Variants in COL5A2 observed in about 807,000 individuals in gnomAD.
COL5A2 encodes collagen alpha-2(V) chain.
A neutral mutation model predicts 208.2 loss-of-function variants in COL5A2; 23 were observed. That is an observed-to-expected ratio of 0.11 (90% confidence interval 0.08 to 0.16). COL5A2 has a LOEUF of 0.16. Ranked by LOEUF, COL5A2 falls within the 10% of genes least tolerant of loss-of-function variation. The pLI is 1.00. For synonymous variants in COL5A2, 625 were observed against 628.5 expected (o/e 0.99, Z 0.08); for missense variants, 1,590 against 1,956.4 (o/e 0.81, Z 3.53).
At chr2:189,301,631 A>G in the COL5A2 span, among the ~76,000 whole-genome samples, 1 of 152,172 alleles carries the variant, frequency 6.6e-6, no homozygotes, top group East Asian at 1.9e-4. Flanking sequence ...ACAGCTCCAC[A>G]ATCTGGTTTT....
At chr2:189,250,285 C>T in the COL5A2 span, among the ~76,000 whole-genome samples, 5 of 152,110 alleles carry the variant, frequency 3.3e-5, no homozygotes, top group Non-Finnish European at 5.9e-5. Flanking sequence ...TACTATAACA[C>T]CCCATTTTAC....
At chr2:189,099,074 A>C (rs759149010) in intron 4 of COL5A2, among the ~76,000 whole-genome samples, 2 of 152,208 alleles carry the variant, frequency 1.3e-5, no homozygotes, top group Non-Finnish European at 2.9e-5. Flanking sequence ...GTTCTTAAGG[A>C]TCTTAAGTGG....
chr2:189,103,221 C>T lies in COL5A2; in HGVS notation c.336+1043G>A, dbSNP rs142375416. On this transcript the variant is annotated intron_variant, in intron 3 of 53. Coordinates refer to ENST00000374866, the MANE Select transcript of COL5A2 (RefSeq NM_000393.5). ...AAGTTTCAATTTATTTTCGTTTTCA[C>T]AATAAATTAAATGTGAAATAGCATT... Among the ~76,000 whole-genome samples, 25 of 152,104 alleles carry T rather than the reference C, an allele frequency of 1.6e-4. No homozygotes were observed. The East Asian group carries it at 4.8e-3, about 29-fold the overall frequency.
the COL5A2 span, among the ~76,000 whole-genome samples, chr2:189,373,694 A>G: frequency 6.6e-6 from 1 of 152,234 alleles, no homozygotes; most frequent in African/African-American, 2.4e-5. Context: ...TATGGCAAGG[A>G]CATATACTTT....
At chr2:189,360,850 A>G in the COL5A2 span, among the ~76,000 whole-genome samples, 2 of 151,724 alleles carry the variant, frequency 1.3e-5, no homozygotes, top group South Asian at 2.1e-4. Context: ...GCTAATACTT[A>G]TAAGTGAGAA....
the COL5A2 span, among the ~76,000 whole-genome samples, chr2:189,387,172 G>A: frequency 2.6e-5 from 4 of 152,114 alleles, no homozygotes; most frequent in Non-Finnish European, 4.4e-5. Context: ...CAGCAACATT[G>A]ATGCTGCTAC....
At chr2:189,078,716 T>C in intron 15 of COL5A2, 147 bp from the exon 16 acceptor site, 2 of 789,996 alleles carry the variant, frequency 2.5e-6, no homozygotes, top group South Asian at 1.4e-5. Flanking sequence ...TTTGAAAAAC[T>C]ATCCCCATGT....
the COL5A2 span, among the ~76,000 whole-genome samples, chr2:189,383,157 A>G: frequency 6.6e-6 from 1 of 152,190 alleles, no homozygotes; most frequent in African/African-American, 2.4e-5. Flanking sequence ...ACATAACGAA[A>G]TACCACAGAA....
chr2:189,197,816 T>C (rs1481821073), intron 1 of COL5A2, among the ~76,000 whole-genome samples: 1 of 151,398 alleles, frequency 6.6e-6, no homozygotes, highest in Non-Finnish European at 1.5e-5. Context: ...CAAATTAATA[T>C]TTTCCTCTTA....
chr2:189,082,599 A>G (rs1055650631), intron 12 of COL5A2, among the ~76,000 whole-genome samples: 2 of 152,212 alleles, frequency 1.3e-5, no homozygotes, highest in Non-Finnish European at 2.9e-5. Context: ...TGCAAGAGAA[A>G]TTCTCATGTG....
At chr2:189,069,014 G>C in intron 18 of COL5A2, 130 bp from the exon 19 acceptor site, 1 of 721,182 alleles carries the variant, frequency 1.4e-6, no homozygotes, top group Non-Finnish European at 2.5e-6. Flanking sequence ...GATTACAAGA[G>C]ATGCGTGCCC....
intron 45 of COL5A2, 28 bp downstream of exon 45, chr2:189,048,181 A>G (rs768815425): frequency 1.9e-6 from 3 of 1,608,070 alleles, no homozygotes; most frequent in Non-Finnish European, 2.6e-6. Flanking sequence ...ATGACTTTAG[A>G]TTTTATAATA....
chr2:189,268,983 A>C, the COL5A2 span, among the ~76,000 whole-genome samples: 1 of 152,096 alleles, frequency 6.6e-6, no homozygotes, highest in Non-Finnish European at 1.5e-5. Flanking sequence ...CTCTGAAACC[A>C]AAACTGAGCC....
chr2:189,414,632 C>T, the COL5A2 span, among the ~76,000 whole-genome samples: 4 of 151,784 alleles, frequency 2.6e-5, no homozygotes, highest in African/African-American at 9.7e-5. Context: ...CGCCTATAAT[C>T]CCAACTACTC....
chr2:189,060,716 A>G lies in COL5A2; in HGVS notation c.2085+14T>C. On this transcript the variant is annotated intron_variant, in intron 31 of 53. Transcript: ENST00000374866. ...AATGTATAGTGTTGCCATTATTATT[A>G]TTTAAACACTTACTTGATCACCTGG... 6.2e-7 allele frequency: 1 copy of G among 1,607,950 alleles called. No individual in the cohort carries two copies. Among genetic ancestry groups the G allele is most frequent in the Non-Finnish European group, 8.5e-7 (1 of 1,174,478 alleles).
intron 1 of COL5A2, among the ~76,000 whole-genome samples, chr2:189,126,862 C>T (rs940773866): frequency 3.9e-5 from 6 of 152,058 alleles, no homozygotes; most frequent in Non-Finnish European, 2.9e-5. Flanking sequence ...AGTTTTCCAC[C>T]CAACAAATAC....
At chr2:189,337,472 G>A in the COL5A2 span, among the ~76,000 whole-genome samples, 10 of 152,126 alleles carry the variant, frequency 6.6e-5, no homozygotes, top group South Asian at 4.1e-4. Flanking sequence ...GTGAGCCACC[G>A]CGCCCGGCCG....
intron 51 of COL5A2, among the ~76,000 whole-genome samples, chr2:189,037,924 T>C (rs1685476019): frequency 6.6e-6 from 1 of 152,182 alleles, no homozygotes; most frequent in Admixed American, 6.5e-5. Context: ...ACGAAATGCT[T>C]TTATTCCACA....
At chr2:189,351,550 T>G in the COL5A2 span, among the ~76,000 whole-genome samples, 4 of 151,976 alleles carry the variant, frequency 2.6e-5, no homozygotes, top group Admixed American at 2.6e-4. Flanking sequence ...TGGGTGTGTA[T>G]GTGTATATAA....
Sources: gnomAD v4.1 joint callset for allele counts (sites outside exome capture counted in the v4.1 genomes callset) on GRCh38, gnomAD v4.1.1 for gene constraint, MANE v1.5 for transcripts, NCBI Gene and HGNC (gene_info 2026-07-23, HGNC 2026-07-21) for gene names.